SLCO3A1: variants seen among roughly 807,000 people sequenced by gnomAD.
SLCO3A1 encodes the protein PGE1 transporter.
In SLCO3A1, 27 loss-of-function variants were observed where a neutral mutation model predicts 63.1. The ratio of observed to expected loss-of-function variants is 0.43; its 90% CI spans 0.32 to 0.59. The LOEUF (loss-of-function observed/expected upper bound fraction) is 0.59, where lower values mean the gene tolerates loss of function less well. SLCO3A1 is among the 20% of genes least tolerant of loss of function. The pLI is 0.09. For synonymous variants in SLCO3A1, 473 were observed against 409.9 expected, an observed-to-expected ratio of 1.15 and a Z score of -1.86; for missense variants, 773 against 945.8, an observed-to-expected ratio of 0.82 and a Z score of 2.40.
At chr15:92,028,946 C>CGTGT (rs1555425656) in intron 2 of SLCO3A1, among the ~76,000 whole-genome samples, 9 of 23,866 alleles carry the variant, frequency 3.8e-4, no homozygotes, top group African/African-American at 1.9e-3. Context: ...TGTGTGTGTA[C>CGTGT]GTACATGAGA....
At chr15:92,157,566 C>T (rs2048387687) in intron 9 of SLCO3A1, among the ~76,000 whole-genome samples, 1 of 151,510 alleles carries the variant, frequency 6.6e-6, no homozygotes, top group South Asian at 2.1e-4. Flanking sequence ...TCTTGGCTCA[C>T]TGCAATCTCT....
At chr15:91,999,220 C>T (rs2046225550) in intron 2 of SLCO3A1, among the ~76,000 whole-genome samples, 1 of 152,122 alleles carries the variant, frequency 6.6e-6, no homozygotes, top group Non-Finnish European at 1.5e-5. Flanking sequence ...ATAACCCAAA[C>T]CTCAGCATCA....
intron 2 of SLCO3A1, among the ~76,000 whole-genome samples, chr15:92,050,102 G>A (rs1202158886): frequency 6.6e-6 from 1 of 152,204 alleles, no homozygotes; most frequent in Non-Finnish European, 1.5e-5. Flanking sequence ...TCACTAAGCT[G>A]CACACTTAGG....
intron 2 of SLCO3A1, among the ~76,000 whole-genome samples, chr15:92,080,233 C>A (rs1304586536): frequency 6.6e-6 from 1 of 152,198 alleles, no homozygotes; most frequent in Non-Finnish European, 1.5e-5. Context: ...CCTACCCCTC[C>A]CAGGCCTGGG....
intron 1 of SLCO3A1, among the ~76,000 whole-genome samples, chr15:91,861,640 T>C (rs959425136): frequency 1.3e-5 from 2 of 152,166 alleles, no homozygotes; most frequent in African/African-American, 4.8e-5. Flanking sequence ...ACTTTTGTTG[T>C]TGTTGTTATT....
chr15:92,010,411 G>A (rs1029583621), intron 2 of SLCO3A1, among the ~76,000 whole-genome samples: 13 of 152,120 alleles, frequency 8.5e-5, no homozygotes, highest in East Asian at 1.9e-4. Context: ...TCAGTCCAGC[G>A]TTTCTCAGTT....
At chr15:92,144,197 T>C (rs1206715980) in intron 7 of SLCO3A1, among the ~76,000 whole-genome samples, 1 of 152,226 alleles carries the variant, frequency 6.6e-6, no homozygotes, top group African/African-American at 2.4e-5. Flanking sequence ...CAGACCCCTG[T>C]AACCTAAGAC....
chr15:92,171,441 C>T (rs2048520811), intron 10 of SLCO3A1: 1 of 218,444 alleles, frequency 4.6e-6, no homozygotes, highest in African/African-American at 2.3e-5. Context: ...AGCCCCAGAA[C>T]ACAAGGTCTG....
rs574979282 is a variant in SLCO3A1 at position 91,854,754 on chromosome 15, T to G, written c.180+666T>G. On this transcript the variant is annotated intron_variant, in intron 1 of 9. Coordinates refer to ENST00000318445, the MANE Select transcript of SLCO3A1 (RefSeq NM_013272.4). The surrounding 1 kb of genome is among the most constrained non-coding windows in gnomAD (Gnocchi z 6.4). ...CTGCGAGTTTGTGTAGTTCCTGCTA[T>G]CCACTCTTAGTGCTAAATTCCCCAT... Among the ~76,000 whole-genome samples, 4 of 152,266 alleles carry G rather than the reference T, an allele frequency of 2.6e-5. No homozygotes were observed. In the South Asian group the frequency reaches 8.3e-4, roughly 32 times the overall value.
intron 2 of SLCO3A1, among the ~76,000 whole-genome samples, chr15:91,926,604 C>CGCGCGCGT (rs1336844662): frequency 2.3e-4 from 10 of 43,670 alleles, no homozygotes; most frequent in African/African-American, 1.1e-3. Context: ...TGTGCGCGCG[C>CGCGCGCGT]GCACGCCCAT....
At chr15:92,118,921 C>G (rs556395314) in intron 4 of SLCO3A1, among the ~76,000 whole-genome samples, 1 of 152,330 alleles carries the variant, frequency 6.6e-6, no homozygotes, top group South Asian at 2.1e-4. Flanking sequence ...TATTTGCATT[C>G]CACCTGAACC....
At chr15:92,101,718 T>A (rs954483970) in intron 3 of SLCO3A1, among the ~76,000 whole-genome samples, 1 of 152,064 alleles carries the variant, frequency 6.6e-6, no homozygotes, top group Non-Finnish European at 1.5e-5. Flanking sequence ...GAGAAAAAAA[T>A]CAATACTTCC....
chr15:92,080,446 A>C (rs1264386244), intron 2 of SLCO3A1, among the ~76,000 whole-genome samples: 1 of 151,492 alleles, frequency 6.6e-6, no homozygotes, highest in East Asian at 1.9e-4. Flanking sequence ...AAAAAGTCTC[A>C]GGTCACGTAC....
intron 2 of SLCO3A1, among the ~76,000 whole-genome samples, chr15:92,060,006 C>T (rs749924230): frequency 2.0e-5 from 3 of 152,156 alleles, no homozygotes; most frequent in Non-Finnish European, 4.4e-5. Flanking sequence ...GTACTGAATA[C>T]TGTAGGCAGT....
At chr15:91,977,465 GA>G (rs1901161858) in intron 2 of SLCO3A1, among the ~76,000 whole-genome samples, 1 of 152,172 alleles carries the variant, frequency 6.6e-6, no homozygotes, top group African/African-American at 2.4e-5. Context: ...GGAGGAAGGG[GA>G]AAAATGGTGA....
chr15:92,066,947 A>T (rs1836678496), intron 2 of SLCO3A1, among the ~76,000 whole-genome samples: 1 of 152,216 alleles, frequency 6.6e-6, no homozygotes, highest in South Asian at 2.1e-4. Flanking sequence ...GGACAGGCCT[A>T]TGGAGGAGCG....
intron 2 of SLCO3A1, among the ~76,000 whole-genome samples, chr15:92,053,683 TGTTTG>T (rs1485649450): frequency 1.4e-5 from 2 of 142,742 alleles, no homozygotes; most frequent in African/African-American, 5.3e-5. Flanking sequence ...TTTGTTTTTT[TGTTTG>T]TTTGTTTGTT....
chr15:92,102,295 T>G (rs967962932), intron 3 of SLCO3A1, among the ~76,000 whole-genome samples: 1 of 152,238 alleles, frequency 6.6e-6, no homozygotes, highest in African/African-American at 2.4e-5. Context: ...TAAAGATGCT[T>G]TCAAGATCAC....
chr15:92,153,820 C>T (rs56066897), intron 9 of SLCO3A1, among the ~76,000 whole-genome samples: 20,854 of 152,006 alleles, frequency 0.14, 1,747 homozygotes, highest in Middle Eastern at 0.22. Flanking sequence ...ACAAAGGTCC[C>T]AGCATGTTTG....
Sources: allele counts gnomAD v4.1 joint callset (sites outside exome capture counted in the v4.1 genomes callset), GRCh38; gene constraint gnomAD v4.1.1; non-coding constraint Gnocchi (gnomAD v3.1); transcripts MANE v1.5; gene names NCBI Gene and HGNC (gene_info 2026-07-23, HGNC 2026-07-21).